Variants in MYO5B observed in about 807,000 individuals in gnomAD.
MYO5B encodes the protein unconventional myosin-Vb.
In MYO5B, 143 loss-of-function variants were observed where a neutral mutation model predicts 229.3. The ratio of observed to expected loss-of-function variants is 0.62; its 90% CI spans 0.54 to 0.72. MYO5B has a LOEUF of 0.72. Ranked by LOEUF, MYO5B falls within the 30% of genes least tolerant of loss-of-function variation. The pLI, the probability that MYO5B is intolerant of heterozygous loss-of-function variation, is 0.00. For missense variants in MYO5B, 2,321 were observed against 2,331.0 expected, an observed-to-expected ratio of 1.00 and a Z score of 0.09; for synonymous variants, 918 against 885.2, an observed-to-expected ratio of 1.04 and a Z score of -0.66.
In MYO5B at chr18:49,863,256, C is replaced by T. The variant is rs767930816; in HGVS notation, c.3915G>A (p.Glu1305=). ...EKHVDQEDAI[E]AYHGVCQTNS... ...TTGTCTGGCAGACCCCGTGATAGGCCTCAATGGCATCCTCCTGGTCAACAT... is the reference window on the plus strand; with the variant it reads ...TTGTCTGGCAGACCCCGTGATAGGCTTCAATGGCATCCTCCTGGTCAACAT... The change falls in exon 29 of 40, where the codon GAG becomes GAA. Residue 1305 remains glutamate (E), a synonymous_variant. Coordinates refer to ENST00000285039, the MANE Select transcript of MYO5B (RefSeq NM_001080467.3). 11 of 1,613,486 alleles carry T rather than the reference C, an allele frequency of 6.8e-6. No individual in the cohort carries two copies. In the South Asian group the frequency reaches 1.2e-4, roughly 18 times the overall value.
intron 2 of MYO5B, among the ~76,000 whole-genome samples, chr18:50,047,362 G>A (rs140260968): frequency 0.041 from 6,294 of 152,334 alleles, 171 homozygotes; most frequent in Non-Finnish European, 0.066. Flanking sequence ...CTGGCCATCA[G>A]AGAAATGCAA....
At chr18:50,152,715 T>C (rs2032618246) in intron 1 of MYO5B, among the ~76,000 whole-genome samples, 1 of 152,210 alleles carries the variant, frequency 6.6e-6, no homozygotes, top group South Asian at 2.1e-4. Context: ...TGACTTTTTT[T>C]ATATTTTGAT....
At chr18:49,829,029 G>C (rs578010699) in intron 39 of MYO5B, among the ~76,000 whole-genome samples, 4 of 149,030 alleles carry the variant, frequency 2.7e-5, no homozygotes, top group African/African-American at 9.8e-5. Flanking sequence ...AAAAAATAGA[G>C]AACAGATCAA....
chr18:50,084,772 C>T (rs1040569688), intron 1 of MYO5B, among the ~76,000 whole-genome samples: 7 of 152,120 alleles, frequency 4.6e-5, no homozygotes, highest in African/African-American at 1.4e-4. Flanking sequence ...TATCTACAAC[C>T]ATCTGATCTT....
intron 1 of MYO5B, among the ~76,000 whole-genome samples, chr18:50,105,768 T>C (rs1427180549): frequency 6.6e-6 from 1 of 151,992 alleles, no homozygotes; most frequent in Non-Finnish European, 1.5e-5. Context: ...GCCTTGCATA[T>C]GCCATTTGGA....
At chr18:50,103,690 A>G (rs917169746) in intron 1 of MYO5B, among the ~76,000 whole-genome samples, 2 of 152,140 alleles carry the variant, frequency 1.3e-5, no homozygotes, top group African/African-American at 4.8e-5. Flanking sequence ...GCAGTGAGCT[A>G]TGATTATACC....
chr18:50,152,634 G>A (rs2032616785), intron 1 of MYO5B, among the ~76,000 whole-genome samples: 1 of 152,108 alleles, frequency 6.6e-6, no homozygotes, highest in Non-Finnish European at 1.5e-5. Context: ...ATGAGAGCAG[G>A]TAATCAATTC....
At chr18:49,870,931 C>T (rs768043167) in intron 27 of MYO5B, among the ~76,000 whole-genome samples, 14 of 152,172 alleles carry the variant, frequency 9.2e-5, no homozygotes, top group Non-Finnish European at 1.6e-4. Context: ...GATTCAGCAA[C>T]TCCACTTTGG....
intron 1 of MYO5B, among the ~76,000 whole-genome samples, chr18:50,128,137 T>C (rs1196010151): frequency 3.9e-5 from 6 of 152,234 alleles, no homozygotes; most frequent in Non-Finnish European, 5.9e-5. Context: ...TTCCATAATA[T>C]ATAAATATGT....
At chr18:49,974,668 C>A in intron 9 of MYO5B, 53 bp from the exon 10 acceptor site, 1 of 1,584,054 alleles carries the variant, frequency 6.3e-7, no homozygotes, top group South Asian at 1.1e-5. Context: ...ACAAGCCGCC[C>A]CCCACCAATG....
intron 2 of MYO5B, among the ~76,000 whole-genome samples, chr18:50,049,495 C>T (rs2030333599): frequency 6.6e-6 from 1 of 152,196 alleles, no homozygotes; most frequent in Admixed American, 6.5e-5. Flanking sequence ...ACCATAGAGC[C>T]ACAGTTTAAC....
At chr18:49,973,141 C>T (rs566322978) in intron 10 of MYO5B, among the ~76,000 whole-genome samples, 3 of 152,298 alleles carry the variant, frequency 2.0e-5, no homozygotes, top group Non-Finnish European at 4.4e-5. Context: ...ACAATTTCTT[C>T]TGATGCCTCT....
intron 1 of MYO5B, among the ~76,000 whole-genome samples, chr18:50,182,379 C>A (rs1001983392): frequency 2.0e-5 from 3 of 152,152 alleles, no homozygotes; most frequent in Non-Finnish European, 4.4e-5. Context: ...TGTTTGTTTT[C>A]TTCCTTTGGC....
Position 49,843,409 on chromosome 18 carries a change from C to T in MYO5B, c.4460-17G>A, listed in dbSNP as rs1159995731. 1.1e-5 allele frequency: 18 copies of T among 1,614,028 alleles called. No individual in the cohort carries two copies. Among genetic ancestry groups the T allele is most frequent in the Non-Finnish European group, 1.4e-5 (17 of 1,179,980 alleles). On this transcript the variant is annotated splice_polypyrimidine_tract_variant and intron_variant, in intron 33 of 39. Coordinates refer to ENST00000285039, the MANE Select transcript of MYO5B (RefSeq NM_001080467.3). ...GCTTCAAGTCTAAGGGCAACGAGAG[C>T]AGCAAATGGCAAGTTAGATCTATGG...
At chr18:50,080,509 C>T (rs2031193876) in intron 1 of MYO5B, among the ~76,000 whole-genome samples, 1 of 152,132 alleles carries the variant, frequency 6.6e-6, no homozygotes, top group Admixed American at 6.5e-5. Context: ...AAACCAATGG[C>T]GACTTGCCCA....
rs546642636 is a variant in MYO5B at position 49,863,197 on chromosome 18, G to A, written c.3944+30C>T. 154 of 1,578,042 alleles carry A rather than the reference G, an allele frequency of 9.8e-5. 2 individuals are homozygous for A. The highest frequency in any genetic ancestry group is 9.6e-4 in the South Asian group (87 of 90,258). ...GGGCAGGGCCCTTCTCCGCGGCCTCGTCCAGCACATTTGACCGCGGCGGCC... is the reference window on the plus strand; with the variant it reads ...GGGCAGGGCCCTTCTCCGCGGCCTCATCCAGCACATTTGACCGCGGCGGCC... On this transcript the variant is annotated intron_variant, in intron 29 of 39. Transcript: ENST00000285039.
intron 1 of MYO5B, among the ~76,000 whole-genome samples, chr18:50,145,234 T>A (rs1237624669): frequency 6.6e-6 from 1 of 152,088 alleles, no homozygotes; most frequent in Non-Finnish European, 1.5e-5. Context: ...ATGCCTGCAA[T>A]CTCAGCACTT....
chr18:50,154,699 G>T (rs1453349714), intron 1 of MYO5B, among the ~76,000 whole-genome samples: 2 of 152,180 alleles, frequency 1.3e-5, no homozygotes, highest in Non-Finnish European at 2.9e-5. Context: ...CTTCTAATTG[G>T]GACAGGATGA....
At position 50,136,010 on chromosome 18, in the gene MYO5B, T is replaced by C. The variant is rs533852137; in HGVS notation, c.27+58757A>G. Among the ~76,000 whole-genome samples, 10 of 152,348 alleles carry C rather than the reference T, an allele frequency of 6.6e-5. 1 individual carries two copies. In the South Asian group the frequency reaches 2.1e-3, roughly 32 times the overall value. On this transcript the variant is annotated intron_variant, in intron 1 of 39. Transcript: ENST00000285039. ...ACAGGTGAGGAATCAAGAGGTGAAG[T>C]AGTTTGCCCATGGTCACACAGCCTG...
Sources: gnomAD v4.1 joint callset for allele counts (sites outside exome capture counted in the v4.1 genomes callset) on GRCh38, gnomAD v4.1.1 for gene constraint, MANE v1.5 for transcripts, NCBI Gene and HGNC (gene_info 2026-07-23, HGNC 2026-07-21) for gene names.